MCPH1: variants seen among roughly 807,000 people sequenced by gnomAD.
The protein encoded by MCPH1 is microcephalin 1, also known as microcephalin.
MCPH1 carries 104 observed loss-of-function variants against 84.5 expected under a neutral mutation model. That is an observed-to-expected ratio of 1.23 (90% CI 1.05 to 1.45). MCPH1 has a LOEUF of 1.45. Among genes scored for constraint, MCPH1 ranks in the 40% most tolerant of loss-of-function variants. The pLI is 0.00. For synonymous variants in MCPH1, 514 were observed against 366.8 expected (o/e 1.40, Z -4.58); for missense variants, 1,498 against 1,005.7 (o/e 1.49, Z -6.62).
intron 12 of MCPH1, among the ~76,000 whole-genome samples, chr8:6,580,906 C>T (rs536938928): frequency 3.0e-4 from 46 of 152,256 alleles, no homozygotes; most frequent in Non-Finnish European, 5.3e-4. Flanking sequence ...CCTCCACATC[C>T]GCAGGTTCTG....
intron 12 of MCPH1, among the ~76,000 whole-genome samples, chr8:6,604,272 A>C (rs1829587275): frequency 6.6e-6 from 1 of 152,202 alleles, no homozygotes; most frequent in Non-Finnish European, 1.5e-5. Context: ...TCAGCCCTGG[A>C]GGCCGGCAAT....
intron 12 of MCPH1, among the ~76,000 whole-genome samples, chr8:6,574,276 A>G (rs2442554): frequency 0.99 from 150,295 of 152,320 alleles, 74,185 homozygotes; most frequent in Middle Eastern, 1. Context: ...TCTGAAACCT[A>G]TAGGGGGTCC....
At chr8:6,541,420 G>T (rs1348423030) in intron 12 of MCPH1, among the ~76,000 whole-genome samples, 1 of 152,098 alleles carries the variant, frequency 6.6e-6, no homozygotes, top group Non-Finnish European at 1.5e-5. Flanking sequence ...GAGAGGAGAG[G>T]AAAAGCAGTG....
In MCPH1 at chr8:6,436,087, C is replaced by A; in HGVS notation, c.361C>A (p.Pro121Thr). The change falls in exon 5 of 14, where the codon CCA becomes ACA. Residue 121 changes from proline (P) to threonine (T), a missense_variant. Physicochemically the swap from Pro to Thr is conservative, Grantham distance 38. Transcript: ENST00000344683. ...MQPKDFNFKTPENDKRFQKKF... is the reference protein window; with the variant it reads ...MQPKDFNFKTTENDKRFQKKF... The stretch of plus-strand genomic sequence containing the variant: ...GCCCAAAGATTTTAATTTTAAAACA[C>A]CAGAAAATGATAAGAGATTTCAGAA... 1 of 1,613,588 alleles carries A rather than the reference C, an allele frequency of 6.2e-7. No homozygotes were observed. Among genetic ancestry groups the A allele is most frequent in the Non-Finnish European group, 8.5e-7 (1 of 1,179,730 alleles).
At chr8:6,478,398 G>C (rs990960744) in intron 10 of MCPH1, among the ~76,000 whole-genome samples, 1 of 152,130 alleles carries the variant, frequency 6.6e-6, no homozygotes, top group Non-Finnish European at 1.5e-5. Context: ...ATTCTAAATA[G>C]TCTAATACAG....
chr8:6,613,979 A>G (rs976024194), intron 12 of MCPH1, among the ~76,000 whole-genome samples: 1 of 151,948 alleles, frequency 6.6e-6, no homozygotes, highest in African/African-American at 2.4e-5. Flanking sequence ...CTCCGTTCCT[A>G]TTTCTCTGGT....
chr8:6,642,624 C>T, intron 13 of MCPH1: 1 of 372,892 alleles, frequency 2.7e-6, no homozygotes, highest in Non-Finnish European at 5.1e-6. Context: ...TGCCTTATGC[C>T]AAGAGTACTG....
intron 6 of MCPH1, among the ~76,000 whole-genome samples, chr8:6,441,335 G>C (rs1016234470): frequency 6.6e-6 from 1 of 152,156 alleles, no homozygotes; most frequent in Non-Finnish European, 1.5e-5. Flanking sequence ...ACTGCGTCCA[G>C]TACAGTTTAA....
intron 13 of MCPH1, among the ~76,000 whole-genome samples, chr8:6,629,217 C>A (rs1010247230): frequency 2.6e-5 from 4 of 152,218 alleles, no homozygotes; most frequent in Non-Finnish European, 5.9e-5. Flanking sequence ...AATCCCAGCA[C>A]TTTGGGAGGC....
intron 12 of MCPH1, among the ~76,000 whole-genome samples, chr8:6,607,357 C>T (rs1045312132): frequency 6.6e-6 from 1 of 152,208 alleles, no homozygotes; most frequent in Non-Finnish European, 1.5e-5. Context: ...TTCATCAAAC[C>T]TAAGTACAAA....
chr8:6,558,354 A>G (rs1586616985), intron 12 of MCPH1, among the ~76,000 whole-genome samples: 1 of 152,184 alleles, frequency 6.6e-6, no homozygotes, highest in African/African-American at 2.4e-5. Flanking sequence ...TCTTACTTTC[A>G]TAACATTTTT....
At chr8:6,562,923 A>C (rs1304271747) in intron 12 of MCPH1, 4 of 1,588,034 alleles carry the variant, frequency 2.5e-6, no homozygotes, top group Non-Finnish European at 8.6e-7. Flanking sequence ...TAAAGAAAAC[A>C]ATCTGCCACA....
chr8:6,500,162 G>A (rs1811869299), intron 12 of MCPH1: 7 of 527,186 alleles, frequency 1.3e-5, no homozygotes, highest in South Asian at 6.3e-5. Context: ...AAAATTTGAC[G>A]ATTAACATCC....
rs1246894755 is a variant in MCPH1 at position 6,645,276 on chromosome 8, T to C, written c.*2227T>C. ...AAGATTCTCTTTCTGAAAGCTAGTA[T>C]TTTATGAGGACTGACTGTTGCTAGA... is the stretch of plus-strand genomic sequence containing the variant. On this transcript the variant is annotated 3_prime_UTR_variant, in exon 14 of 14. Transcript: ENST00000344683. The C allele has an allele frequency of 1.3e-5, 2 of 152,224 alleles. No homozygotes were observed. Among genetic ancestry groups the C allele is most frequent in the African/African-American group, 4.8e-5 (2 of 41,454 alleles). 9.4% of individuals were successfully genotyped at this position (152,224 alleles called of 1,614,324 possible). A position where few individuals can be genotyped will look rare whatever the true frequency, so the allele number is the denominator to read the frequency against.
At chr8:6,455,015 A>G in intron 8 of MCPH1, 128 bp from the exon 9 acceptor site, 1 of 733,656 alleles carries the variant, frequency 1.4e-6, no homozygotes, top group South Asian at 1.5e-5. Flanking sequence ...AGAGCCAGAT[A>G]TATACAATTT....
intron 7 of MCPH1, among the ~76,000 whole-genome samples, chr8:6,443,701 T>A (rs1048408530): frequency 1.3e-5 from 2 of 152,164 alleles, no homozygotes; most frequent in Non-Finnish European, 2.9e-5. Flanking sequence ...CAGGGAGAGC[T>A]GGCAAGGGCA....
chr8:6,444,929 G>A lies in MCPH1; in HGVS notation c.1207G>A (p.Glu403Lys). ...GCAGCACGTGGCGGGACCTGCCCTG[G>A]AGGCTCTTAGCTGTGGGGAGTCTTC... ...RLQHVAGPAL[E>K]ALSCGESSYD... Residue 403 changes from glutamate to lysine, a missense_variant, in exon 8 of 14, where the codon GAG (glutamate) becomes AAG (lysine). Physicochemically the swap from Glu to Lys is moderately conservative, Grantham distance 56. Transcript: ENST00000344683. 6.2e-7 allele frequency: 1 copy of A among 1,614,154 alleles called. No homozygotes were observed. The highest frequency in any genetic ancestry group is 8.5e-7 in the Non-Finnish European group (1 of 1,179,998).
intron 12 of MCPH1, among the ~76,000 whole-genome samples, chr8:6,546,174 A>G (rs1316681659): frequency 5.9e-5 from 9 of 152,256 alleles, no homozygotes; most frequent in Non-Finnish European, 1.2e-4. Context: ...GGAATGAGTT[A>G]GCACAATTCC....
At chr8:6,546,442 A>G (rs1822588274) in intron 12 of MCPH1, among the ~76,000 whole-genome samples, 1 of 152,244 alleles carries the variant, frequency 6.6e-6, no homozygotes, top group Non-Finnish European at 1.5e-5. Flanking sequence ...GGCAGTGTCC[A>G]ATTTGATTCC....
Sources: gnomAD v4.1 joint callset for allele counts (sites outside exome capture counted in the v4.1 genomes callset) on GRCh38, gnomAD v4.1.1 for gene constraint, MANE v1.5 for transcripts, NCBI Gene and HGNC (gene_info 2026-07-23, HGNC 2026-07-21) for gene names.